ST7: variants seen among roughly 807,000 people sequenced by gnomAD.
ST7 encodes the protein suppressor of tumorigenicity 7 protein.
A neutral mutation model predicts 78.7 loss-of-function variants in ST7; 28 were observed. The ratio of observed to expected loss-of-function variants is 0.36; its 90% confidence interval spans 0.26 to 0.49. The LOEUF is 0.49. Among genes scored for constraint, ST7 ranks in the 20% least tolerant of loss-of-function variants. The pLI is 0.99. For missense variants in ST7, 418 were observed against 696.0 expected, an observed-to-expected ratio of 0.60 and a Z score of 4.49; for synonymous variants, 247 against 249.6, an observed-to-expected ratio of 0.99 and a Z score of 0.10.
intron 2 of ST7, among the ~76,000 whole-genome samples, chr7:117,105,433 A>G (rs1321880252): frequency 1.3e-5 from 2 of 152,140 alleles, no homozygotes; most frequent in African/African-American, 4.8e-5. Flanking sequence ...GGTGCGTGCC[A>G]TCATGTCTGG....
intron 1 of ST7, among the ~76,000 whole-genome samples, chr7:116,998,173 C>T (rs961122568): frequency 1.6e-4 from 24 of 152,326 alleles, no homozygotes; most frequent in African/African-American, 4.8e-4. Context: ...AGCGAGAATT[C>T]GAGCGTAGCG....
At chr7:116,980,249 C>T (rs961007194) in intron 1 of ST7, among the ~76,000 whole-genome samples, 6 of 152,146 alleles carry the variant, frequency 3.9e-5, no homozygotes, top group East Asian at 1.9e-4. Context: ...TGAGCCACCA[C>T]GCCCAGCATT....
chr7:117,170,921 C>T lies in ST7; in HGVS notation c.1023C>T (p.Ala341=), dbSNP rs753816807. 7 of 1,611,912 alleles carry T rather than the reference C, an allele frequency of 4.3e-6. No individual in the cohort carries two copies. In the East Asian group the frequency reaches 1.6e-4, roughly 36 times the overall value. Residue 341 remains alanine (A), a synonymous_variant, in exon 10 of 16, where the codon GCC becomes GCT. Coordinates refer to ENST00000323984, the MANE Select transcript of ST7 (RefSeq NM_001369598.1). The stretch of plus-strand genomic sequence containing the variant: ...ATATCCATGAAAACCTTTTAGAAGC[C>T]CTTCTGGAACTACAAGCATATGCTG... The part of the protein sequence containing the change: ...MFNIHENLLE[A]LLELQAYADV...
chr7:117,132,850 C>T (rs768801526), intron 6 of ST7, among the ~76,000 whole-genome samples: 14 of 151,682 alleles, frequency 9.2e-5, no homozygotes, highest in Non-Finnish European at 1.8e-4. Flanking sequence ...AATATGAAGG[C>T]CAGGAATAGA....
chr7:117,167,731 A>G (rs1255548969), intron 9 of ST7, among the ~76,000 whole-genome samples: 1 of 152,160 alleles, frequency 6.6e-6, no homozygotes, highest in Non-Finnish European at 1.5e-5. Flanking sequence ...AAACTAGAAA[A>G]GGAGCTGTGA....
At chr7:117,120,225 G>A (rs546042244) in intron 3 of ST7, among the ~76,000 whole-genome samples, 149 of 152,168 alleles carry the variant, frequency 9.8e-4, no homozygotes, top group African/African-American at 3.5e-3. Context: ...CCACTGTGCC[G>A]AGCTAATGTT....
intron 1 of ST7, among the ~76,000 whole-genome samples, chr7:117,014,585 G>T (rs1162094938): frequency 1.3e-5 from 2 of 152,164 alleles, no homozygotes; most frequent in African/African-American, 4.8e-5. Context: ...AAATTTGGAC[G>T]CTGATTCCTT....
At chr7:117,018,618 T>C (rs899706260) in intron 1 of ST7, among the ~76,000 whole-genome samples, 6 of 152,192 alleles carry the variant, frequency 3.9e-5, no homozygotes, top group Admixed American at 2.6e-4. Context: ...GAGCATTGCT[T>C]TGGATCCAGA....
At chr7:117,100,906 A>G (rs1801521037) in intron 2 of ST7, among the ~76,000 whole-genome samples, 1 of 152,212 alleles carries the variant, frequency 6.6e-6, no homozygotes, top group African/African-American at 2.4e-5. Context: ...AACAAGCATA[A>G]GAAAAATTTT....
At chr7:117,071,209 C>G (rs998931198) in intron 1 of ST7, among the ~76,000 whole-genome samples, 5 of 152,028 alleles carry the variant, frequency 3.3e-5, no homozygotes. Context: ...GGCGACAGAG[C>G]GAGACTCCGT....
intron 1 of ST7, among the ~76,000 whole-genome samples, chr7:117,056,377 G>A (rs894805269): frequency 2.6e-5 from 4 of 152,088 alleles, no homozygotes; most frequent in African/African-American, 9.7e-5. Flanking sequence ...GCTCATGCCT[G>A]TAACCAGCAC....
At chr7:117,121,960 A>C (rs1584721529) in intron 3 of ST7, among the ~76,000 whole-genome samples, 1 of 152,206 alleles carries the variant, frequency 6.6e-6, no homozygotes, top group East Asian at 1.9e-4. Context: ...AGGATGCTAC[A>C]AGAAGCTAGA....
chr7:117,064,971 G>C (rs1798554031), intron 1 of ST7, among the ~76,000 whole-genome samples: 1 of 152,068 alleles, frequency 6.6e-6, no homozygotes, highest in South Asian at 2.1e-4. Flanking sequence ...TGTGTATATT[G>C]TTTTCCTTTG....
chr7:117,133,295 G>A (rs1563108023), intron 6 of ST7, among the ~76,000 whole-genome samples: 1 of 151,868 alleles, frequency 6.6e-6, no homozygotes, highest in Non-Finnish European at 1.5e-5. Flanking sequence ...TATCCACAGA[G>A]AGCAATTCCA....
intron 1 of ST7, among the ~76,000 whole-genome samples, chr7:116,998,454 C>T (rs956397525): frequency 2.0e-5 from 3 of 152,328 alleles, no homozygotes; most frequent in Middle Eastern, 3.4e-3. Context: ...CACGGTGCAG[C>T]GGCGGGCTGA....
At chr7:117,139,150 T>G (rs1805055438) in intron 9 of ST7, among the ~76,000 whole-genome samples, 1 of 152,196 alleles carries the variant, frequency 6.6e-6, no homozygotes, top group Non-Finnish European at 1.5e-5. Context: ...TATTATTATG[T>G]AACTTTAAAA....
intron 1 of ST7, among the ~76,000 whole-genome samples, chr7:116,961,810 A>G (rs12672783): frequency 0.51 from 76,427 of 150,994 alleles, 20,570 homozygotes; most frequent in Non-Finnish European, 0.6. Flanking sequence ...ATACAAGTGC[A>G]GAATGTGTAG....
intron 9 of ST7, among the ~76,000 whole-genome samples, chr7:117,162,410 A>T (rs545305450): frequency 2.6e-5 from 4 of 151,936 alleles, no homozygotes; most frequent in Admixed American, 1.3e-4. Flanking sequence ...TTTTCTGCTG[A>T]ATAGCATTTT....
intron 12 of ST7, among the ~76,000 whole-genome samples, chr7:117,195,578 G>A (rs182032360): frequency 1.1e-4 from 17 of 152,252 alleles, no homozygotes; most frequent in Middle Eastern, 3.4e-3. Flanking sequence ...CATTCATAGC[G>A]GAAGGGGAAG....
Sources: gnomAD v4.1 joint callset for allele counts (sites outside exome capture counted in the v4.1 genomes callset) on GRCh38, gnomAD v4.1.1 for gene constraint, MANE v1.5 for transcripts, NCBI Gene and HGNC (gene_info 2026-07-23, HGNC 2026-07-21) for gene names.